Variants in ZNG1B observed in about 807,000 individuals in gnomAD.
ZNG1B encodes zinc-regulated GTPase metalloprotein activator 1B.
chr2:113,474,775 C>T, the ZNG1B span, among the ~76,000 whole-genome samples: 15 of 152,048 alleles, frequency 9.9e-5, no homozygotes, highest in Non-Finnish European at 1.5e-4. Context: ...GCAGGTTGTT[C>T]GGTTTCCATG....
At chr2:113,463,378 T>G in the ZNG1B span, among the ~76,000 whole-genome samples, 15 of 152,292 alleles carry the variant, frequency 9.8e-5, no homozygotes, top group African/African-American at 3.6e-4. Context: ...TAAGTTCTAC[T>G]GACATTAGAT....
the ZNG1B span, chr2:113,481,904 T>C: frequency 5.2e-6 from 2 of 385,022 alleles, no homozygotes; most frequent in East Asian, 9.8e-5. Context: ...TATTTAACCA[T>C]ACAAAATAGT....
chr2:113,474,552 G>C, the ZNG1B span, among the ~76,000 whole-genome samples: 1 of 147,358 alleles, frequency 6.8e-6, no homozygotes, highest in East Asian at 2.0e-4. Context: ...GTTTGCTCTT[G>C]CTTTTCTAGT....
the ZNG1B span, among the ~76,000 whole-genome samples, chr2:113,478,587 A>G: frequency 4.0e-5 from 6 of 151,488 alleles, no homozygotes; most frequent in East Asian, 3.9e-4. Flanking sequence ...AGCCTTATAT[A>G]TATATTTCTA....
chr2:113,444,658 T>C, the ZNG1B span, among the ~76,000 whole-genome samples: 1 of 152,082 alleles, frequency 6.6e-6, no homozygotes, highest in South Asian at 2.1e-4. Context: ...TTTTGTATGT[T>C]GGTTTTTAAA....
chr2:113,470,800 C>T, the ZNG1B span: 1 of 565,100 alleles, frequency 1.8e-6, no homozygotes, highest in Non-Finnish European at 3.1e-6. Flanking sequence ...TTGAAAAGCT[C>T]ATAAATTTCA....
chr2:113,477,802 C>G, the ZNG1B span, among the ~76,000 whole-genome samples: 1 of 152,240 alleles, frequency 6.6e-6, no homozygotes, highest in Admixed American at 6.5e-5. Context: ...CTTTATACCC[C>G]TTGAATAGCA....
chr2:113,456,573 A>C, the ZNG1B span, among the ~76,000 whole-genome samples: 3 of 152,086 alleles, frequency 2.0e-5, no homozygotes, highest in Non-Finnish European at 4.4e-5. Context: ...AGTTAAATAG[A>C]ATCTATTATC....
At chr2:113,471,476 AATTT>A in the ZNG1B span, among the ~76,000 whole-genome samples, 1 of 147,990 alleles carries the variant, frequency 6.8e-6, no homozygotes, top group African/African-American at 2.5e-5. Context: ...GTTTTTTTTT[AATTT>A]ATTTATTTAT....
At chr2:113,477,278 C>T in the ZNG1B span, among the ~76,000 whole-genome samples, 478 of 152,272 alleles carry the variant, frequency 3.1e-3, 5 homozygotes, top group African/African-American at 0.011. Context: ...GTGACCCGAT[C>T]TTCCAGGTGC....
chr2:113,486,627 G>A, the ZNG1B span, among the ~76,000 whole-genome samples: 11 of 152,204 alleles, frequency 7.2e-5, no homozygotes, highest in African/African-American at 2.7e-4. Flanking sequence ...ATGGTGGCAT[G>A]TACCTGTAAT....
At chr2:113,462,255 T>G in the ZNG1B span, among the ~76,000 whole-genome samples, 1 of 152,252 alleles carries the variant, frequency 6.6e-6, no homozygotes, top group Non-Finnish European at 1.5e-5. Flanking sequence ...GAGTCACTCC[T>G]ATAGAGCACT....
the ZNG1B span, among the ~76,000 whole-genome samples, chr2:113,489,856 T>G: frequency 1.4e-5 from 2 of 146,870 alleles, no homozygotes; most frequent in Non-Finnish European, 3.0e-5. Context: ...GCTCCCAAAT[T>G]TATAAAAGAA....
At chr2:113,466,846 C>T in the ZNG1B span, 14 of 950,918 alleles carry the variant, frequency 1.5e-5, no homozygotes, top group Non-Finnish European at 1.8e-5. Context: ...GGGCGGATCA[C>T]GAGATCAGGA....
chr2:113,487,088 C>T, the ZNG1B span, among the ~76,000 whole-genome samples: 1 of 151,882 alleles, frequency 6.6e-6, no homozygotes, highest in African/African-American at 2.4e-5. Context: ...TAGTCATGCA[C>T]CGCATAACAG....
chr2:113,465,692 A>C, the ZNG1B span: 2 of 923,976 alleles, frequency 2.2e-6, no homozygotes, highest in South Asian at 1.0e-4. Context: ...TTTTCCATTG[A>C]ATGTTATCTT....
the ZNG1B span, chr2:113,469,192 G>A: frequency 1.3e-5 from 2 of 152,002 alleles, no homozygotes; most frequent in South Asian, 4.2e-4. Context: ...CCCCCAAGTT[G>A]GAGTGCGGTG....
chr2:113,455,526 A>G, the ZNG1B span: 1 of 1,169,628 alleles, frequency 8.5e-7, no homozygotes, highest in Non-Finnish European at 1.1e-6. Flanking sequence ...GTTGTTACAT[A>G]CAGTAAAATG....
At chr2:113,490,186 A>T in the ZNG1B span, among the ~76,000 whole-genome samples, 150 of 152,308 alleles carry the variant, frequency 9.8e-4, 1 homozygote, top group African/African-American at 3.4e-3. Context: ...AGTGGAATAA[A>T]ACTGGAAATC....
Sources: gnomAD v4.1 joint callset for allele counts (sites outside exome capture counted in the v4.1 genomes callset) on GRCh38, gnomAD v4.1.1 for gene constraint, MANE v1.5 for transcripts, NCBI Gene and HGNC (gene_info 2026-07-23, HGNC 2026-07-21) for gene names.